The following TMEM117 variants were observed in gnomAD, a reference collection of about 807,000 sequenced individuals.
The protein encoded by TMEM117 is transmembrane protein 117.
In TMEM117, 27 loss-of-function variants were observed where a neutral mutation model predicts 52.4. The observed-to-expected ratio is 0.51, with a 90% CI of 0.38 to 0.71. The LOEUF (loss-of-function observed/expected upper bound fraction) is 0.71. TMEM117 is among the 30% of genes least tolerant of loss of function. TMEM117 has a pLI of 0.00. For synonymous variants in TMEM117, 215 were observed against 206.3 expected (o/e 1.04, Z -0.36); for missense variants, 556 against 630.5 (o/e 0.88, Z 1.26).
intron 6 of TMEM117, among the ~76,000 whole-genome samples, chr12:44,326,150 A>G (rs1951192087): frequency 6.6e-6 from 1 of 152,160 alleles, no homozygotes; most frequent in African/African-American, 2.4e-5. Flanking sequence ...CCTGGGCAAC[A>G]GAGTGAGACC....
At chr12:44,137,162 C>A (rs556599877) in intron 3 of TMEM117, among the ~76,000 whole-genome samples, 1 of 149,676 alleles carries the variant, frequency 6.7e-6, no homozygotes, top group East Asian at 2.0e-4. Context: ...GAGAGAAGGG[C>A]AATGTAAGAA....
intron 3 of TMEM117, among the ~76,000 whole-genome samples, chr12:44,115,542 T>C (rs1194475860): frequency 2.8e-5 from 4 of 143,776 alleles, no homozygotes; most frequent in African/African-American, 1.1e-4. Flanking sequence ...AGTATGGGAT[T>C]TTTTTTTTTT....
intron 4 of TMEM117, among the ~76,000 whole-genome samples, chr12:44,187,557 G>A (rs1949295080): frequency 6.6e-6 from 1 of 152,098 alleles, no homozygotes; most frequent in African/African-American, 2.4e-5. Context: ...AATTCAGATT[G>A]AATAAGATGG....
chr12:44,367,090 C>G (rs56209461), intron 6 of TMEM117, among the ~76,000 whole-genome samples: 5,176 of 152,206 alleles, frequency 0.034, 106 homozygotes, highest in Middle Eastern at 0.13. Context: ...TCTGTTCTAC[C>G]AAAATTCAAC....
intron 3 of TMEM117, among the ~76,000 whole-genome samples, chr12:44,080,910 A>G (rs554047792): frequency 2.6e-5 from 4 of 152,196 alleles, no homozygotes; most frequent in South Asian, 2.1e-4. Flanking sequence ...AATATTCACT[A>G]TCTATCCCTT....
intron 3 of TMEM117, among the ~76,000 whole-genome samples, chr12:43,999,268 C>A (rs1946078876): frequency 6.6e-6 from 1 of 152,088 alleles, no homozygotes; most frequent in African/African-American, 2.4e-5. Context: ...ACTAAATACT[C>A]CTGTTTGTGT....
downstream of TMEM117, among the ~76,000 whole-genome samples, chr12:44,390,277 T>C (rs557355553): frequency 1.4e-4 from 22 of 151,920 alleles, no homozygotes; most frequent in African/African-American, 4.8e-4. Context: ...GCCCATACTA[T>C]CTAAAGGAAC....
At chr12:44,395,749 G>A in the TMEM117 span, among the ~76,000 whole-genome samples, 1 of 152,194 alleles carries the variant, frequency 6.6e-6, no homozygotes, top group African/African-American at 2.4e-5. Context: ...TGATGAAGGA[G>A]AGCAGGTGAG....
At position 43,844,712 on chromosome 12, in the gene TMEM117, T is replaced by C; in HGVS notation, c.61T>C (p.Leu21=). ...CTGGTCTCGCATGATTGTGGCTTAC[T>C]TGGTGATCTTCTTTAACTTCTTAAT... The part of the protein sequence containing the change: ...HPWSRMIVAY[L]VIFFNFLIFA... The change falls in exon 2 of 8, where the codon TTG becomes CTG. Residue 21 remains leucine, a synonymous_variant. Coordinates refer to ENST00000266534, the MANE Select transcript of TMEM117 (RefSeq NM_032256.3). The C allele has an allele frequency of 6.2e-7, 1 of 1,614,216 alleles. No homozygotes were observed. Among genetic ancestry groups the C allele is most frequent in the Non-Finnish European group, 8.5e-7 (1 of 1,180,040 alleles).
In TMEM117 at chr12:44,388,649, T is replaced by C; in HGVS notation, c.1522T>C (p.Ser508Pro). Residue 508 changes from serine (S) to proline (P), a missense_variant, in exon 8 of 8, where the codon TCT becomes CCT. Around this residue, in one of 3 missense-constraint regions of TMEM117, gnomAD observed 206 missense variants for 211.1 expected, o/e 0.98. Transcript: ENST00000266534. Reference protein sequence around the residue: ...ATEADQDPTTSKSTPTN With the variant: ...ATEADQDPTTPKSTPTN Reference sequence around the variant, plus strand: ...AGAAGCTGATCAAGACCCAACGACTTCTAAAAGTACACCTACGAACTAGAC... The same window carrying C: ...AGAAGCTGATCAAGACCCAACGACTCCTAAAAGTACACCTACGAACTAGAC... 1 of 1,613,186 alleles carries C rather than the reference T, an allele frequency of 6.2e-7. No individual in the cohort carries two copies. Among genetic ancestry groups the C allele is most frequent in the Non-Finnish European group, 8.5e-7 (1 of 1,179,394 alleles).
At chr12:44,183,330 G>A (rs1307230601) in intron 4 of TMEM117, among the ~76,000 whole-genome samples, 1 of 152,088 alleles carries the variant, frequency 6.6e-6, no homozygotes, top group African/African-American at 2.4e-5. Flanking sequence ...TAAATGCATT[G>A]CTCTCTTAAT....
intron 3 of TMEM117, chr12:44,009,839 G>C (rs1946260437): frequency 3.7e-6 from 1 of 270,542 alleles, no homozygotes; most frequent in Admixed American, 4.1e-5. Context: ...GGGTATCCTT[G>C]TGCAAAATGG....
intron 3 of TMEM117, among the ~76,000 whole-genome samples, chr12:44,030,261 G>A (rs999378381): frequency 1.9e-4 from 29 of 152,220 alleles, no homozygotes; most frequent in African/African-American, 7.0e-4. Flanking sequence ...ATGCTTTAAG[G>A]TCATAAACTG....
intron 6 of TMEM117, among the ~76,000 whole-genome samples, chr12:44,325,354 G>T (rs1251783580): frequency 6.6e-6 from 1 of 152,066 alleles, no homozygotes; most frequent in Non-Finnish European, 1.5e-5. Context: ...TTATTATCAG[G>T]TTTTGCCATC....
intron 2 of TMEM117, among the ~76,000 whole-genome samples, chr12:43,886,656 G>A (rs1943999990): frequency 6.6e-6 from 1 of 152,062 alleles, no homozygotes; most frequent in Admixed American, 6.5e-5. Context: ...AGGGGTACAT[G>A]TGCAGGATGT....
chr12:44,024,331 ATG>A lies in TMEM117; in HGVS notation c.410+79993_410+79994del, dbSNP rs904830202. On this transcript the variant is annotated intron_variant, in intron 3 of 7. Transcript: ENST00000266534. Reference sequence around the variant, plus strand: ...TCATAAAAGTAAGGTGACCTCAACAATGTGTAGGATAAAAATATGAGTGCTGT... The same window carrying A: ...TCATAAAAGTAAGGTGACCTCAACAATGTAGGATAAAAATATGAGTGCTGT... 6.3e-4 allele frequency among the ~76,000 whole-genome samples: 96 copies of A among 152,266 alleles called. 3 individuals carry two copies. Among genetic ancestry groups the A allele is most frequent in the African/African-American group, 2.2e-3 (93 of 41,536 alleles).
chr12:43,884,888 A>G (rs967891425), intron 2 of TMEM117, among the ~76,000 whole-genome samples: 1 of 152,182 alleles, frequency 6.6e-6, no homozygotes, highest in Non-Finnish European at 1.5e-5. Flanking sequence ...TCTTCAGCAC[A>G]CAGCACAAGC....
intron 3 of TMEM117, among the ~76,000 whole-genome samples, chr12:44,110,267 C>T (rs1948036019): frequency 6.7e-6 from 1 of 150,186 alleles, no homozygotes; most frequent in South Asian, 2.1e-4. Context: ...AGTGAGAGGG[C>T]ATCCCTGTCT....
chr12:44,319,093 G>A (rs555976314), intron 6 of TMEM117, among the ~76,000 whole-genome samples: 4 of 152,268 alleles, frequency 2.6e-5, no homozygotes, highest in South Asian at 2.1e-4. Flanking sequence ...CTGTCCACAC[G>A]CACCATTCAA....
Sources: allele counts gnomAD v4.1 joint callset (sites outside exome capture counted in the v4.1 genomes callset), GRCh38; gene constraint gnomAD v4.1.1; regional missense constraint gnomAD v4.1.1; transcripts MANE v1.5; gene names NCBI Gene and HGNC (gene_info 2026-07-23, HGNC 2026-07-21).